The following TPP2 variants were observed in gnomAD, a reference collection of about 807,000 sequenced individuals.
TPP2 encodes the protein tripeptidyl-peptidase 2.
Under a neutral mutation model 155.9 loss-of-function variants are expected in TPP2, and 34 were observed. The ratio of observed to expected loss-of-function variants is 0.22; its 90% CI spans 0.17 to 0.29. TPP2 has a LOEUF of 0.29. Ranked by LOEUF, TPP2 falls within the 10% of genes least tolerant of loss-of-function variation. TPP2 has a pLI of 1.00. For synonymous variants in TPP2, 510 were observed against 529.4 expected (o/e 0.96, Z 0.50); for missense variants, 1,028 against 1,522.3 (o/e 0.68, Z 5.40).
At chr13:102,598,250 C>G (rs1165980987) in intron 1 of TPP2, among the ~76,000 whole-genome samples, 1 of 152,206 alleles carries the variant, frequency 6.6e-6, no homozygotes, top group Admixed American at 6.5e-5. Context: ...GTATGCTGAT[C>G]TCTCGTTGAT....
intron 27 of TPP2, among the ~76,000 whole-genome samples, chr13:102,671,783 G>A (rs142956404): frequency 2.8e-4 from 43 of 152,198 alleles, no homozygotes; most frequent in African/African-American, 9.6e-4. Context: ...ATCTTTGCCC[G>A]GTAACAGCGG....
At chr13:102,606,974 G>C (rs1045515704) in intron 2 of TPP2, among the ~76,000 whole-genome samples, 1 of 152,286 alleles carries the variant, frequency 6.6e-6, no homozygotes, top group East Asian at 1.9e-4. Context: ...TTATGAGTAT[G>C]TGTCCCCTCA....
intron 25 of TPP2, among the ~76,000 whole-genome samples, chr13:102,662,629 C>T (rs947261406): frequency 1.3e-5 from 2 of 151,916 alleles, no homozygotes; most frequent in Non-Finnish European, 2.9e-5. Flanking sequence ...TTTTTTTGTA[C>T]TAAGAATTAG....
intron 24 of TPP2, among the ~76,000 whole-genome samples, chr13:102,654,098 A>G (rs972066671): frequency 1.1e-4 from 16 of 152,202 alleles, no homozygotes; most frequent in Admixed American, 4.6e-4. Context: ...AATTATTTCT[A>G]TTAAATTGGT....
At chr13:102,635,829 G>A in intron 12 of TPP2, 127 bp downstream of exon 12, 1 of 724,284 alleles carries the variant, frequency 1.4e-6, no homozygotes, top group Non-Finnish European at 2.2e-6. Context: ...TATGGCCATA[G>A]AACTACAAGC....
At chr13:102,624,286 G>C (rs1335560323) in intron 6 of TPP2, among the ~76,000 whole-genome samples, 1 of 152,140 alleles carries the variant, frequency 6.6e-6, no homozygotes, top group African/African-American at 2.4e-5. Flanking sequence ...CCAGGGTAGG[G>C]GGAAAAAGGA....
In TPP2 at chr13:102,664,871, C is replaced by T; in HGVS notation, c.3317C>T (p.Ala1106Val). Residue 1106 changes from alanine to valine, a missense_variant, in exon 27 of 30, where the codon GCA (alanine) becomes GTA (valine). Coordinates refer to ENST00000376052, the MANE Select transcript of TPP2 (RefSeq NM_001330588.2). Reference protein sequence around the residue: ...VISHIDQTALAVYIAMKTDPR... With the variant: ...VISHIDQTALVVYIAMKTDPR... ...TCTCATATAGATCAAACAGCCCTAG[C>T]AGTTTATATTGCAATGAAGACTGAT... The T allele has an allele frequency of 6.2e-7, 1 of 1,613,750 alleles. No homozygotes were observed. The highest frequency in any genetic ancestry group is 8.5e-7 in the Non-Finnish European group (1 of 1,179,842).
At chr13:102,663,565 C>G in intron 25 of TPP2, 83 bp from the exon 26 acceptor site, 1 of 973,934 alleles carries the variant, frequency 1.0e-6, no homozygotes, top group Non-Finnish European at 1.4e-6. Context: ...GCTTAAACTT[C>G]CAAACAATGT....
At chr13:102,649,984 A>T (rs1883378509) in intron 23 of TPP2, among the ~76,000 whole-genome samples, 1 of 152,144 alleles carries the variant, frequency 6.6e-6, no homozygotes, top group African/African-American at 2.4e-5. Context: ...ATCTCATTGG[A>T]ATTTCACATG....
chr13:102,657,258 C>A, intron 25 of TPP2, 51 bp downstream of exon 25: 1 of 1,456,172 alleles, frequency 6.9e-7, no homozygotes, highest in Non-Finnish European at 9.2e-7. Flanking sequence ...TCTATTTTCC[C>A]AACTATAACA....
At chr13:102,625,201 G>A (rs562615847) in intron 6 of TPP2, among the ~76,000 whole-genome samples, 12 of 112,068 alleles carry the variant, frequency 1.1e-4, no homozygotes, top group Middle Eastern at 7.8e-3. Context: ...GTCTCGCTCT[G>A]TCGCCCAGGC....
intron 2 of TPP2, among the ~76,000 whole-genome samples, chr13:102,606,345 TC>T (rs1281832856): frequency 6.6e-6 from 1 of 152,194 alleles, no homozygotes; most frequent in Non-Finnish European, 1.5e-5. Context: ...CCTTGTGTAT[TC>T]CTGTATTTAT....
chr13:102,599,267 A>G (rs770157572), intron 1 of TPP2, among the ~76,000 whole-genome samples: 6 of 152,256 alleles, frequency 3.9e-5, no homozygotes, highest in Non-Finnish European at 8.8e-5. Context: ...AAATATTCAG[A>G]TGATAAAATA....
intron 2 of TPP2, 21 bp from the exon 3 acceptor site, chr13:102,614,080 T>C (rs1475501234): frequency 6.2e-7 from 1 of 1,606,006 alleles, no homozygotes; most frequent in South Asian, 1.1e-5. Flanking sequence ...AATGAACAGG[T>C]TACTCTTTTT....
intron 27 of TPP2, among the ~76,000 whole-genome samples, chr13:102,669,267 G>A (rs970103883): frequency 6.6e-6 from 1 of 152,112 alleles, no homozygotes; most frequent in Non-Finnish European, 1.5e-5. Flanking sequence ...TGTTTTCTGA[G>A]CATATTTTTA....
At chr13:102,620,796 C>G (rs1228554587) in intron 5 of TPP2, among the ~76,000 whole-genome samples, 3 of 152,156 alleles carry the variant, frequency 2.0e-5, no homozygotes, top group African/African-American at 7.2e-5. Flanking sequence ...TTGAGAGAAA[C>G]AGTGTTTACA....
intron 1 of TPP2, among the ~76,000 whole-genome samples, chr13:102,600,323 C>A (rs1472890171): frequency 6.6e-6 from 1 of 152,160 alleles, no homozygotes; most frequent in Non-Finnish European, 1.5e-5. Flanking sequence ...CCTGCTTCAT[C>A]CTTTAAGATC....
chr13:102,608,142 G>A (rs1879991927), intron 2 of TPP2: 1 of 152,114 alleles, frequency 6.6e-6, no homozygotes, highest in East Asian at 1.9e-4. Context: ...TGTCTTAATA[G>A]TTTAAAAAGA....
intron 7 of TPP2, 21 bp from the exon 8 acceptor site, chr13:102,627,827 G>T: frequency 6.3e-7 from 1 of 1,578,840 alleles, no homozygotes; most frequent in Non-Finnish European, 8.7e-7. Context: ...GCCTAAACTA[G>T]AGTCTTAATC....
Sources: gnomAD v4.1 joint callset for allele counts (sites outside exome capture counted in the v4.1 genomes callset) on GRCh38, gnomAD v4.1.1 for gene constraint, MANE v1.5 for transcripts, NCBI Gene and HGNC (gene_info 2026-07-23, HGNC 2026-07-21) for gene names.